Variants in AHCYL2 observed in about 807,000 individuals in gnomAD.
AHCYL2 encodes S-adenosylhomocysteine hydrolase-like protein 2.
In AHCYL2, 28 loss-of-function variants were observed where a neutral mutation model predicts 81.4. The ratio of observed to expected loss-of-function variants is 0.34; its 90% CI spans 0.25 to 0.47. The LOEUF (loss-of-function observed/expected upper bound fraction) is 0.47. Ranked by LOEUF, AHCYL2 falls within the 20% of genes least tolerant of loss-of-function variation. The pLI, the probability that AHCYL2 is intolerant of heterozygous loss-of-function variation, is 1.00. For missense variants in AHCYL2, 551 were observed against 785.1 expected, an observed-to-expected ratio of 0.70 and a Z score of 3.56; for synonymous variants, 272 against 290.2, an observed-to-expected ratio of 0.94 and a Z score of 0.64.
intron 1 of AHCYL2, among the ~76,000 whole-genome samples, chr7:129,317,768 C>T (rs929159099): frequency 1.3e-5 from 2 of 152,156 alleles, no homozygotes; most frequent in African/African-American, 2.4e-5. Flanking sequence ...TACTACACTT[C>T]CCTAGCAAGC....
chr7:129,239,081 T>C (rs1794745298), intron 1 of AHCYL2, among the ~76,000 whole-genome samples: 1 of 152,230 alleles, frequency 6.6e-6, no homozygotes, highest in South Asian at 2.1e-4. Flanking sequence ...GGGAGACTCA[T>C]ATTTAAAACA....
chr7:129,387,708 G>T (rs897920248), intron 2 of AHCYL2, among the ~76,000 whole-genome samples: 5 of 152,178 alleles, frequency 3.3e-5, no homozygotes, highest in Admixed American at 1.3e-4. Context: ...CTGTGTCTGG[G>T]TTCTGTTGCC....
At chr7:129,337,753 T>C (rs1318835817) in intron 1 of AHCYL2, among the ~76,000 whole-genome samples, 2 of 152,168 alleles carry the variant, frequency 1.3e-5, no homozygotes, top group East Asian at 3.9e-4. Context: ...TCAGTCTTTC[T>C]TTTCTTTGAG....
chr7:129,285,791 A>G (rs1442642356), intron 1 of AHCYL2, among the ~76,000 whole-genome samples: 2 of 147,568 alleles, frequency 1.4e-5, no homozygotes, highest in Admixed American at 6.8e-5. Flanking sequence ...GCTAACTGCA[A>G]CCTTCACCTC....
intron 1 of AHCYL2, among the ~76,000 whole-genome samples, chr7:129,332,045 C>T (rs1798444533): frequency 1.3e-5 from 2 of 151,714 alleles, no homozygotes; most frequent in African/African-American, 2.4e-5. Flanking sequence ...ATTCATACCT[C>T]AATTACTATA....
intron 1 of AHCYL2, among the ~76,000 whole-genome samples, chr7:129,297,223 T>A (rs982120803): frequency 3.3e-5 from 5 of 152,176 alleles, no homozygotes; most frequent in African/African-American, 1.2e-4. Context: ...CAATTACAAA[T>A]TTTTTGTAGT....
intron 1 of AHCYL2, among the ~76,000 whole-genome samples, chr7:129,341,405 G>T (rs2150816481): frequency 6.6e-6 from 1 of 152,266 alleles, no homozygotes; most frequent in Non-Finnish European, 1.5e-5. Flanking sequence ...GTGGTTGGGG[G>T]ACACTTTCAC....
At chr7:129,385,749 T>A (rs1327906024) in intron 2 of AHCYL2, among the ~76,000 whole-genome samples, 1 of 152,220 alleles carries the variant, frequency 6.6e-6, no homozygotes. Flanking sequence ...AGATCTAGGA[T>A]CTCAGGACTA....
At chr7:129,417,518 G>A (rs751508871) in intron 12 of AHCYL2, among the ~76,000 whole-genome samples, 13 of 152,078 alleles carry the variant, frequency 8.5e-5, no homozygotes, top group Non-Finnish European at 1.8e-4. Flanking sequence ...ACCAAGTTTT[G>A]CAAGTATTGC....
intron 1 of AHCYL2, among the ~76,000 whole-genome samples, chr7:129,253,113 CA>C (rs1795297349): frequency 6.6e-6 from 1 of 151,354 alleles, no homozygotes; most frequent in South Asian, 2.1e-4. Flanking sequence ...GAGGCTGAGG[CA>C]GAGAATTGCG....
intron 1 of AHCYL2, among the ~76,000 whole-genome samples, chr7:129,376,162 C>G (rs1341136185): frequency 2.0e-5 from 3 of 152,068 alleles, no homozygotes; most frequent in Admixed American, 2.0e-4. Flanking sequence ...TGGTTCCAGA[C>G]AAGGTAGGAA....
In AHCYL2 at chr7:129,368,895, C is replaced by G. The variant is rs567394431; in HGVS notation, c.364-10743C>G. 2.0e-5 allele frequency among the ~76,000 whole-genome samples: 3 copies of G among 152,266 alleles called. No homozygotes were observed. The South Asian group carries it at 6.2e-4, about 32-fold the overall frequency. ...TCAACCTGATGCTTCATTTGTTTCT[C>G]TGGGGGTAAAGAAAAAGAACAATGA... On this transcript the variant is annotated intron_variant, in intron 1 of 16. Coordinates refer to ENST00000325006, the MANE Select transcript of AHCYL2 (RefSeq NM_015328.4). This position sits in a 1 kb window ranked among gnomAD's most constrained non-coding sequence, Gnocchi z 4.4.
intron 1 of AHCYL2, among the ~76,000 whole-genome samples, chr7:129,363,003 G>A (rs1331872157): frequency 6.6e-6 from 1 of 152,052 alleles, no homozygotes; most frequent in Non-Finnish European, 1.5e-5. Flanking sequence ...CATCCGGCAG[G>A]CCATATGCCC....
chr7:129,382,615 A>T (rs1402068272), intron 2 of AHCYL2, among the ~76,000 whole-genome samples: 3 of 151,864 alleles, frequency 2.0e-5, no homozygotes, highest in African/African-American at 7.3e-5. Context: ...ATAAAAAAAA[A>T]TAATTTTAGG....
intron 2 of AHCYL2, among the ~76,000 whole-genome samples, chr7:129,385,319 A>G (rs1307942582): frequency 1.3e-5 from 2 of 152,196 alleles, no homozygotes; most frequent in African/African-American, 2.4e-5. Flanking sequence ...GTTAGGCCCA[A>G]GAGGAATTGC....
In AHCYL2 at chr7:129,353,207, C is replaced by T. The variant is rs183335356; in HGVS notation, c.364-26431C>T. 1.2e-3 allele frequency among the ~76,000 whole-genome samples: 182 copies of T among 152,244 alleles called. No individual in the cohort carries two copies. The East Asian group carries it at 0.027, about 23-fold the overall frequency. Reference sequence around the variant, plus strand: ...AGGTGATCCACCTGCCTCGGCCTCCCGAAGTGCTGGGATTACAGGGGTGAG... The same window carrying T: ...AGGTGATCCACCTGCCTCGGCCTCCTGAAGTGCTGGGATTACAGGGGTGAG... On this transcript the variant is annotated intron_variant, in intron 1 of 16. Transcript: ENST00000325006.
At chr7:129,239,024 CAGG>C (rs1794741034) in intron 1 of AHCYL2, among the ~76,000 whole-genome samples, 1 of 151,968 alleles carries the variant, frequency 6.6e-6, no homozygotes, top group African/African-American at 2.4e-5. Flanking sequence ...TTTGTGCAAT[CAGG>C]GATCATTTAC....
intron 1 of AHCYL2, among the ~76,000 whole-genome samples, chr7:129,270,501 T>C (rs760615398): frequency 1.3e-5 from 2 of 152,206 alleles, no homozygotes; most frequent in African/African-American, 2.4e-5. Flanking sequence ...ACACTCAAGA[T>C]TCCTAGTCAT....
chr7:129,401,888 C>T (rs1333510290), intron 6 of AHCYL2, among the ~76,000 whole-genome samples: 2 of 152,164 alleles, frequency 1.3e-5, no homozygotes, highest in African/African-American at 4.8e-5. Flanking sequence ...CCCCAGAAAA[C>T]AGGACCCATA....
Sources: gnomAD v4.1 joint callset for allele counts (sites outside exome capture counted in the v4.1 genomes callset) on GRCh38, gnomAD v4.1.1 for gene constraint, Gnocchi (gnomAD v3.1) non-coding constraint, MANE v1.5 for transcripts, NCBI Gene and HGNC (gene_info 2026-07-23, HGNC 2026-07-21) for gene names.